The following COL6A6 variants were observed in gnomAD, a reference collection of about 807,000 sequenced individuals.
The protein encoded by COL6A6 is collagen type VI alpha 6 chain, also known as collagen alpha-6(VI) chain.
In COL6A6, 183 loss-of-function variants were observed where a neutral mutation model predicts 208.6. The ratio of observed to expected loss-of-function variants is 0.88; its 90% CI spans 0.78 to 0.99. The LOEUF (loss-of-function observed/expected upper bound fraction) is 0.99, where lower values mean the gene tolerates loss of function less well. Ranked by LOEUF, COL6A6 falls within the 50% of genes least tolerant of loss-of-function variation. COL6A6 has a pLI of 0.00. For synonymous variants in COL6A6, 973 were observed against 1,011.8 expected (o/e 0.96, Z 0.73); for missense variants, 2,816 against 2,815.2 (o/e 1.00, Z -0.01).
intron 8 of COL6A6, among the ~76,000 whole-genome samples, chr3:130,577,074 T>C (rs2063315277): frequency 6.6e-6 from 1 of 152,196 alleles, no homozygotes; most frequent in Non-Finnish European, 1.5e-5. Context: ...GGAGGTATGA[T>C]GGAGGTGACT....
At chr3:130,628,130 A>C (rs760673514) in intron 26 of COL6A6, among the ~76,000 whole-genome samples, 8 of 152,206 alleles carry the variant, frequency 5.3e-5, no homozygotes, top group Non-Finnish European at 8.8e-5. Flanking sequence ...ATAATGCAAG[A>C]GGCCATCTGG....
chr3:130,550,800 C>T (rs2062625462), intron 1 of COL6A6, among the ~76,000 whole-genome samples: 1 of 152,154 alleles, frequency 6.6e-6, no homozygotes, highest in African/African-American at 2.4e-5. Flanking sequence ...CACAGCCAAA[C>T]CATATCAGGC....
chr3:130,575,165 AG>A (rs1033176202), intron 8 of COL6A6, among the ~76,000 whole-genome samples: 26 of 152,182 alleles, frequency 1.7e-4, no homozygotes, highest in African/African-American at 6.0e-4. Context: ...AAAAGTTGCA[AG>A]GTCATTAAGA....
chr3:130,566,607 C>A, intron 4 of COL6A6, 95 bp from the exon 5 acceptor site: 1 of 1,023,472 alleles, frequency 9.8e-7, no homozygotes, highest in Non-Finnish European at 1.4e-6. Context: ...ATTTTTCTGT[C>A]TGAAGAGGTT....
At chr3:130,642,726 A>G in intron 29 of COL6A6, 106 bp from the exon 30 acceptor site, 1 of 972,542 alleles carries the variant, frequency 1.0e-6, no homozygotes, top group Non-Finnish European at 1.5e-6. Context: ...TTTAATGAGA[A>G]TAAAACTTTT....
In COL6A6 at chr3:130,570,942, C is replaced by T. The variant is rs774263001; in HGVS notation, c.2526C>T (p.Gly842=). 6.2e-7 allele frequency: 1 copy of T among 1,613,974 alleles called. No individual in the cohort carries two copies. Among genetic ancestry groups the T allele is most frequent in the South Asian group, 1.1e-5 (1 of 91,078 alleles). Reference sequence around the variant, plus strand: ...GCTTAGTGAAAAAAGCTGATGTGGGCAAGAATCAGGTCCGGTTTGGGGCTC... The same window carrying T: ...GCTTAGTGAAAAAAGCTGATGTGGGTAAGAATCAGGTCCGGTTTGGGGCTC... ...MIGLVKKADV[G]KNQVRFGALK... The change falls in exon 7 of 37, where the codon GGC becomes GGT. Residue 842 remains glycine (G), a synonymous_variant. Coordinates refer to ENST00000358511, the MANE Select transcript of COL6A6 (RefSeq NM_001102608.3).
At position 130,582,087 on chromosome 3, in the gene COL6A6, T is replaced by C; in HGVS notation, c.3970+19T>C. On this transcript the variant is annotated intron_variant, in intron 10 of 36. Coordinates refer to ENST00000358511, the MANE Select transcript of COL6A6 (RefSeq NM_001102608.3). ...AAAGAAGGTACTGAGTATGGAGAAGTGGGAAGGGAGTGCTTATTAACTTTA... is the reference window on the plus strand; with the variant it reads ...AAAGAAGGTACTGAGTATGGAGAAGCGGGAAGGGAGTGCTTATTAACTTTA... The C allele has an allele frequency of 1.4e-6, 2 of 1,463,324 alleles. No individual in the cohort carries two copies. The highest frequency in any genetic ancestry group is 1.9e-6 in the Non-Finnish European group (2 of 1,062,858). 90.6% of individuals were successfully genotyped at this position (1,463,324 alleles called of 1,614,324 possible).
chr3:130,655,649 T>A (rs958680280), intron 33 of COL6A6, among the ~76,000 whole-genome samples: 19 of 152,206 alleles, frequency 1.2e-4, no homozygotes, highest in African/African-American at 4.6e-4. Context: ...CTACTTTGGA[T>A]CCCATTTGTG....
intron 2 of COL6A6, among the ~76,000 whole-genome samples, chr3:130,561,315 T>C (rs2062876704): frequency 6.6e-6 from 1 of 152,230 alleles, no homozygotes. Context: ...TCAGGCTTCT[T>C]TGGGAGGAAG....
intron 24 of COL6A6, among the ~76,000 whole-genome samples, chr3:130,623,754 G>C (rs1283387758): frequency 1.3e-5 from 2 of 152,176 alleles, no homozygotes. Context: ...TTTAGGTCTG[G>C]TTGGAGATGT....
At position 130,574,151 on chromosome 3, in the gene COL6A6, T is replaced by C. The variant is rs184293546; in HGVS notation, c.3173T>C (p.Ile1058Thr). Residue 1058 changes from isoleucine to threonine, a missense_variant, in exon 8 of 37, where the codon ATA (isoleucine) becomes ACA (threonine). By Grantham distance (89) the Ile-to-Thr change is moderately conservative. Coordinates refer to ENST00000358511, the MANE Select transcript of COL6A6 (RefSeq NM_001102608.3). ...CCGGAGTTTCCACTGGGAACTTTCA[T>C]AGGTGAAAAAGAGATATCATTTCAG... is the stretch of plus-strand genomic sequence containing the variant. ...YHPEFPLGTF[I>T]GEKEISFQIE... 12 of 1,613,962 alleles carry C rather than the reference T, an allele frequency of 7.4e-6. No individual in the cohort carries two copies. Among genetic ancestry groups the C allele is most frequent in the East Asian group, 2.2e-5 (1 of 44,878 alleles).
At chr3:130,581,482 C>A (rs1398992479) in intron 8 of COL6A6, 79 bp from the exon 9 acceptor site, 2 of 998,036 alleles carry the variant, frequency 2.0e-6, no homozygotes, top group African/African-American at 3.2e-5. Context: ...ATTCCAAGTC[C>A]CTTGATTCAG....
At position 130,649,399 on chromosome 3, in the gene COL6A6, C is replaced by T. The variant is rs773126059; in HGVS notation, c.5570C>T (p.Thr1857Met). Reference protein sequence around the residue: ...RFISRNVFKRTLPGAHTRKIA... With the variant: ...RFISRNVFKRMLPGAHTRKIA... ...ATTTCCAGGAATGTCTTCAAGCGGA[C>T]GCTTCCGGGGGCACACACGAGAAAA... Residue 1857 changes from threonine to methionine, a missense_variant, in exon 33 of 37, where the codon ACG becomes ATG. Thr to Met is a moderately conservative substitution (Grantham distance 81, BLOSUM62 -1). Transcript: ENST00000358511. 21 of 1,612,824 alleles carry T rather than the reference C, an allele frequency of 1.3e-5. No homozygotes were observed. The highest frequency in any genetic ancestry group is 1.2e-4 in the African/African-American group (9 of 74,894).
At chr3:130,587,039 G>A (rs1019443749) in intron 11 of COL6A6, among the ~76,000 whole-genome samples, 1 of 152,154 alleles carries the variant, frequency 6.6e-6, no homozygotes, top group Non-Finnish European at 1.5e-5. Flanking sequence ...GCAGATCCTA[G>A]GCATAACAGC....
intron 20 of COL6A6, among the ~76,000 whole-genome samples, chr3:130,600,900 A>AG (rs2063996102): frequency 6.6e-6 from 1 of 152,120 alleles, no homozygotes; most frequent in Non-Finnish European, 1.5e-5. Context: ...GGAAAAAAAA[A>AG]GGGGGAAAGA....
intron 1 of COL6A6, among the ~76,000 whole-genome samples, chr3:130,537,216 AGTTT>A (rs1577634135): frequency 6.6e-6 from 1 of 152,196 alleles, no homozygotes; most frequent in African/African-American, 2.4e-5. Flanking sequence ...TTGATTGATT[AGTTT>A]GTTCTAGCTC....
intron 36 of COL6A6, among the ~76,000 whole-genome samples, chr3:130,674,250 C>A (rs563251980): frequency 6.6e-6 from 1 of 152,138 alleles, no homozygotes; most frequent in Non-Finnish European, 1.5e-5. Flanking sequence ...AATTTCAGTT[C>A]CTCAGTCACA....
At chr3:130,652,794 T>A (rs1055096538) in intron 33 of COL6A6, among the ~76,000 whole-genome samples, 11 of 152,242 alleles carry the variant, frequency 7.2e-5, no homozygotes, top group Admixed American at 4.6e-4. Context: ...CATGATACAA[T>A]GCATTTTTAT....
At position 130,642,830 on chromosome 3, in the gene COL6A6, A is replaced by G; in HGVS notation, c.5155-2A>G. On this transcript the variant is annotated splice_acceptor_variant, in intron 29 of 36. Transcript: ENST00000358511. LOFTEE classifies it high-confidence loss of function. ...AAAACAATGTTTTGTTTGTTTTCCT[A>G]GGGTGTGAAAGGAGCCAAAGGCTTG... The G allele has an allele frequency of 6.2e-7, 1 of 1,613,596 alleles. No homozygotes were observed. Among genetic ancestry groups the G allele is most frequent in the East Asian group, 2.2e-5 (1 of 44,884 alleles).
Sources: gnomAD v4.1 joint callset for allele counts (sites outside exome capture counted in the v4.1 genomes callset) on GRCh38, gnomAD v4.1.1 for gene constraint, MANE v1.5 for transcripts, NCBI Gene and HGNC (gene_info 2026-07-23, HGNC 2026-07-21) for gene names.